The following EXOC4 variants were observed in gnomAD, a reference collection of about 807,000 sequenced individuals.
EXOC4 encodes SEC8-like 1.
A neutral mutation model predicts 107.2 loss-of-function variants in EXOC4; 71 were observed. The ratio of observed to expected loss-of-function variants is 0.66; its 90% CI spans 0.55 to 0.81. The LOEUF (loss-of-function observed/expected upper bound fraction) is 0.81, where lower values mean the gene tolerates loss of function less well. Ranked by LOEUF, EXOC4 falls within the 30% of genes least tolerant of loss-of-function variation. The pLI is 0.00. For synonymous variants in EXOC4, 456 were observed against 441.2 expected, an observed-to-expected ratio of 1.03 and a Z score of -0.42; for missense variants, 1,108 against 1,189.6, an observed-to-expected ratio of 0.93 and a Z score of 1.01.
chr7:133,592,728 G>A (rs1002315366), intron 9 of EXOC4, among the ~76,000 whole-genome samples: 8 of 152,092 alleles, frequency 5.3e-5, no homozygotes, highest in African/African-American at 1.4e-4. Flanking sequence ...TTACCCTCCC[G>A]AGTAGCTGGG....
intron 5 of EXOC4, among the ~76,000 whole-genome samples, chr7:133,346,303 C>A (rs940938763): frequency 6.6e-6 from 1 of 152,140 alleles, no homozygotes; most frequent in African/African-American, 2.4e-5. Context: ...TATTACCCTG[C>A]ATGGGCCAAA....
At chr7:133,291,358 A>G (rs970886570) in intron 3 of EXOC4, among the ~76,000 whole-genome samples, 3 of 148,144 alleles carry the variant, frequency 2.0e-5, no homozygotes, top group Admixed American at 6.7e-5. Context: ...CAATTTCTCA[A>G]TTTCTCAGTA....
chr7:134,023,747 A>C (rs1381908122), intron 17 of EXOC4, among the ~76,000 whole-genome samples: 2 of 152,176 alleles, frequency 1.3e-5, no homozygotes, highest in Non-Finnish European at 2.9e-5. Flanking sequence ...CAATGTTCTT[A>C]TTGACTGTAT....
At chr7:133,428,423 T>G (rs1797776127) in intron 7 of EXOC4, among the ~76,000 whole-genome samples, 2 of 152,218 alleles carry the variant, frequency 1.3e-5, no homozygotes, top group African/African-American at 4.8e-5. Context: ...GCCATAAGCA[T>G]TTGCCATCAA....
At chr7:133,813,630 A>G (rs560445286) in intron 10 of EXOC4, among the ~76,000 whole-genome samples, 9 of 152,086 alleles carry the variant, frequency 5.9e-5, no homozygotes, top group African/African-American at 2.2e-4. Context: ...ATGCTTAACC[A>G]TCTACTTTTA....
chr7:133,682,584 A>G (rs570164729), intron 10 of EXOC4, among the ~76,000 whole-genome samples: 1 of 152,296 alleles, frequency 6.6e-6, no homozygotes, highest in Non-Finnish European at 1.5e-5. Flanking sequence ...AATACACCCC[A>G]TGTCTGGAAT....
intron 9 of EXOC4, among the ~76,000 whole-genome samples, chr7:133,599,208 C>T (rs1801750636): frequency 6.6e-6 from 1 of 152,060 alleles, no homozygotes; most frequent in African/African-American, 2.4e-5. Context: ...ACATATGTGA[C>T]CCACGTTATA....
chr7:133,921,349 T>C (rs1263970677), intron 13 of EXOC4, among the ~76,000 whole-genome samples: 1 of 152,232 alleles, frequency 6.6e-6, no homozygotes, highest in Non-Finnish European at 1.5e-5. Context: ...CTAAGTCTAC[T>C]GATTAAAATG....
At chr7:133,798,790 CAAAAAAAAAT>C (rs1371638868) in intron 10 of EXOC4, among the ~76,000 whole-genome samples, 3 of 151,652 alleles carry the variant, frequency 2.0e-5, no homozygotes, top group Non-Finnish European at 2.9e-5. Context: ...ATGAGAAAGA[CAAAAAAAAAT>C]AAAATAAAAT....
intron 11 of EXOC4, among the ~76,000 whole-genome samples, chr7:133,868,285 T>A (rs534111952): frequency 6.6e-6 from 1 of 152,336 alleles, no homozygotes; most frequent in South Asian, 2.1e-4. Flanking sequence ...AGAATGATTC[T>A]CTAATCTGCC....
At chr7:133,780,379 T>C (rs1796439823) in intron 10 of EXOC4, among the ~76,000 whole-genome samples, 1 of 152,182 alleles carries the variant, frequency 6.6e-6, no homozygotes, top group African/African-American at 2.4e-5. Context: ...TGTTTTGTTT[T>C]TGTAAATCCA....
chr7:133,579,688 T>G (rs945562995), intron 9 of EXOC4, among the ~76,000 whole-genome samples: 8 of 24,470 alleles, frequency 3.3e-4, no homozygotes, highest in African/African-American at 6.5e-4. Context: ...CAACTTTACT[T>G]TTTTTTTTTT....
intron 3 of EXOC4, among the ~76,000 whole-genome samples, chr7:133,299,011 T>G (rs1257328536): frequency 6.6e-6 from 1 of 152,090 alleles, no homozygotes; most frequent in African/African-American, 2.4e-5. Context: ...TATTGCCAAA[T>G]GGAAAAAACA....
chr7:133,896,391 T>C (rs140744929), intron 12 of EXOC4, among the ~76,000 whole-genome samples: 4 of 152,248 alleles, frequency 2.6e-5, no homozygotes, highest in Non-Finnish European at 5.9e-5. Flanking sequence ...AAGAAAAGAA[T>C]GTATAATAAA....
In EXOC4 at chr7:134,064,447, G is replaced by A; in HGVS notation, c.2844G>A (p.Arg948=). ...GGGAACTGACCACCCAGAACACGAG[G>A]CTGCAGAGGCTCAAAGAGATCATCT... The part of the protein sequence containing the change: ...GVGELTTQNT[R]LQRLKEIICE... Residue 948 remains arginine (R), a synonymous_variant, in exon 18 of 18, where the codon AGG becomes AGA. Coordinates refer to ENST00000253861, the MANE Select transcript of EXOC4 (RefSeq NM_021807.4). 6.2e-7 allele frequency: 1 copy of A among 1,608,446 alleles called. No homozygotes were observed. The highest frequency in any genetic ancestry group is 2.2e-5 in the East Asian group (1 of 44,566).
chr7:133,760,691 A>G (rs1391426897), intron 10 of EXOC4, among the ~76,000 whole-genome samples: 4 of 151,820 alleles, frequency 2.6e-5, no homozygotes, highest in Admixed American at 2.0e-4. Flanking sequence ...CCTGGTTTTC[A>G]TCTCCGTATT....
the EXOC4 span, among the ~76,000 whole-genome samples, chr7:134,099,192 TG>T: frequency 6.6e-6 from 1 of 152,152 alleles, no homozygotes; most frequent in Non-Finnish European, 1.5e-5. Context: ...ATCCCATAAA[TG>T]GTGTCCTTGT....
intron 10 of EXOC4, among the ~76,000 whole-genome samples, chr7:133,759,229 T>C (rs1795984558): frequency 6.6e-6 from 1 of 151,764 alleles, no homozygotes; most frequent in Non-Finnish European, 1.5e-5. Context: ...GCAGTCCTCC[T>C]GCTTTTATCT....
intron 7 of EXOC4, among the ~76,000 whole-genome samples, chr7:133,427,041 T>C (rs1222748764): frequency 2.0e-5 from 3 of 152,210 alleles, no homozygotes; most frequent in African/African-American, 7.2e-5. Flanking sequence ...GTGACTCTCC[T>C]GATGCTCCCA....
Sources: gnomAD v4.1 joint callset for allele counts (sites outside exome capture counted in the v4.1 genomes callset) on GRCh38, gnomAD v4.1.1 for gene constraint, MANE v1.5 for transcripts, NCBI Gene and HGNC (gene_info 2026-07-23, HGNC 2026-07-21) for gene names.